Variants in SH2D4B observed in about 807,000 individuals in gnomAD.
SH2D4B encodes the protein SH2 domain-containing protein 4B.
SH2D4B carries 45 observed loss-of-function variants against 61.5 expected under a neutral mutation model. That is an observed-to-expected ratio of 0.73 (90% CI 0.58 to 0.94). The LOEUF (loss-of-function observed/expected upper bound fraction) is 0.94, where lower values mean the gene tolerates loss of function less well. Ranked by LOEUF, SH2D4B falls within the 40% of genes least tolerant of loss-of-function variation. SH2D4B has a pLI of 0.00. For synonymous variants in SH2D4B, 224 were observed against 220.4 expected (o/e 1.02, Z -0.14); for missense variants, 572 against 574.2 (o/e 1.00, Z 0.04).
intron 7 of SH2D4B, among the ~76,000 whole-genome samples, chr10:80,641,183 A>G (rs1417062630): frequency 1.3e-5 from 2 of 152,318 alleles, no homozygotes; most frequent in East Asian, 1.9e-4. Flanking sequence ...CCAGAGGGCC[A>G]CCTGCCTGTA....
chr10:80,627,323 G>A (rs561664427), intron 6 of SH2D4B, among the ~76,000 whole-genome samples: 10 of 152,246 alleles, frequency 6.6e-5, no homozygotes, highest in African/African-American at 2.2e-4. Context: ...GCTGTCCGCT[G>A]CCCTCAGAAT....
intron 1 of SH2D4B, among the ~76,000 whole-genome samples, chr10:80,553,530 A>G (rs1022567079): frequency 6.6e-6 from 1 of 152,200 alleles, no homozygotes; most frequent in African/African-American, 2.4e-5. Flanking sequence ...AATGACAGTT[A>G]CACCAAGTCC....
In SH2D4B at chr10:80,631,052, A is replaced by G. The variant is rs1010221364; in HGVS notation, c.989-3233A>G. On this transcript the variant is annotated intron_variant, in intron 6 of 7. Transcript: ENST00000646907. ...AACGTGTTGGCAAGTGTTGGAGGAAAGAGACCCCTTGCACATTCTCTTAAA... is the reference window on the plus strand; with the variant it reads ...AACGTGTTGGCAAGTGTTGGAGGAAGGAGACCCCTTGCACATTCTCTTAAA... Among the ~76,000 whole-genome samples, 4 of 152,240 alleles carry G rather than the reference A, an allele frequency of 2.6e-5. No individual in the cohort carries two copies. The East Asian group carries it at 5.8e-4, about 22-fold the overall frequency.
chr10:80,644,516 T>A lies in SH2D4B; in HGVS notation c.*431T>A, dbSNP rs1840364116. On this transcript the variant is annotated 3_prime_UTR_variant, in exon 8 of 8. Coordinates refer to ENST00000646907, the MANE Select transcript of SH2D4B (RefSeq NM_001388272.1). ...TCCAACACAAATTAGCAGTGGTTTC[T>A]TGTAAATTATTTCCTACTCGCCACT... 6.5e-6 allele frequency: 1 copy of A among 154,814 alleles called. No individual in the cohort carries two copies. Among genetic ancestry groups the A allele is most frequent in the South Asian group, 2.0e-4 (1 of 4,882 alleles). The allele number at this position is 154,814 out of a possible 1,614,324, so 9.6% of individuals were successfully genotyped here.
At chr10:80,642,118 G>T (rs755694281) in intron 7 of SH2D4B, among the ~76,000 whole-genome samples, 1 of 152,016 alleles carries the variant, frequency 6.6e-6, no homozygotes, top group Non-Finnish European at 1.5e-5. Context: ...TTGAGACAAG[G>T]TCTTACTCTG....
At chr10:80,587,702 A>G (rs937492590) in intron 3 of SH2D4B, among the ~76,000 whole-genome samples, 1 of 152,160 alleles carries the variant, frequency 6.6e-6, no homozygotes, top group Non-Finnish European at 1.5e-5. Context: ...GGTAGTGAGC[A>G]TATTACCCAA....
intron 6 of SH2D4B, among the ~76,000 whole-genome samples, chr10:80,632,456 A>G (rs1312968706): frequency 6.6e-6 from 1 of 152,182 alleles, no homozygotes; most frequent in African/African-American, 2.4e-5. Flanking sequence ...AAAGAAAAAA[A>G]GTTGAATCGT....
At chr10:80,612,126 A>G (rs1842608242) in intron 6 of SH2D4B, among the ~76,000 whole-genome samples, 1 of 143,556 alleles carries the variant, frequency 7.0e-6, no homozygotes, top group Non-Finnish European at 1.5e-5. Flanking sequence ...ATTTTTATAT[A>G]TTGCCTTTGC....
chr10:80,551,023 AAAAG>A (rs1288521092), intron 1 of SH2D4B, among the ~76,000 whole-genome samples: 2 of 152,236 alleles, frequency 1.3e-5, no homozygotes, highest in Admixed American at 6.5e-5. Flanking sequence ...AAGGAAAAGA[AAAAG>A]AAAAAGAAAC....
At chr10:80,543,970 A>T (rs929390969) in intron 1 of SH2D4B, among the ~76,000 whole-genome samples, 19 of 126,714 alleles carry the variant, frequency 1.5e-4, no homozygotes, top group African/African-American at 4.9e-4. Flanking sequence ...AAAACAGACC[A>T]CTCGGCTCTA....
intron 1 of SH2D4B, among the ~76,000 whole-genome samples, chr10:80,541,815 A>T (rs1841583512): frequency 6.6e-6 from 1 of 152,168 alleles, no homozygotes; most frequent in African/African-American, 2.4e-5. Context: ...TGATTCTGAG[A>T]TCCACATTTG....
intron 5 of SH2D4B, among the ~76,000 whole-genome samples, chr10:80,608,775 C>T (rs2132143796): frequency 1.3e-5 from 2 of 152,288 alleles, no homozygotes; most frequent in Middle Eastern, 6.8e-3. Context: ...TATCCTCTGT[C>T]ATAGTTTTTA....
chr10:80,568,091 CT>C lies in SH2D4B; in HGVS notation c.185-2049del, dbSNP rs1192521361. Among the ~76,000 whole-genome samples, 833 of 144,878 alleles carry C rather than the reference CT, an allele frequency of 5.7e-3. 5 individuals are homozygous for C. Among genetic ancestry groups the C allele is most frequent in the African/African-American group, 0.015 (600 of 39,742 alleles). On this transcript the variant is annotated intron_variant, in intron 1 of 7. Transcript: ENST00000646907. ...CTAAAAATAAGTGTGAGAGATCACA[CT>C]TTTTTTTTTTTTTGAGACAGAGTCT...
At chr10:80,608,724 C>G (rs1482612599) in intron 5 of SH2D4B, among the ~76,000 whole-genome samples, 3 of 152,160 alleles carry the variant, frequency 2.0e-5, no homozygotes, top group African/African-American at 7.2e-5. Context: ...CCCATTCCAT[C>G]CGTAGTTACC....
intron 3 of SH2D4B, among the ~76,000 whole-genome samples, chr10:80,586,614 T>A (rs1842253113): frequency 6.6e-6 from 1 of 152,150 alleles, no homozygotes; most frequent in Non-Finnish European, 1.5e-5. Context: ...ATCAGTGCCC[T>A]GTCAAAACAG....
At chr10:80,618,953 CAG>C (rs1842687277) in intron 6 of SH2D4B, among the ~76,000 whole-genome samples, 2 of 152,178 alleles carry the variant, frequency 1.3e-5, no homozygotes, top group South Asian at 2.1e-4. Flanking sequence ...TCTGTTATTG[CAG>C]AGTGTCTTCT....
chr10:80,562,680 A>T lies in SH2D4B; in HGVS notation c.185-7474A>T, dbSNP rs113648917. On this transcript the variant is annotated intron_variant, in intron 1 of 7. Transcript: ENST00000646907. ...GGATCATAGGATACTTCAATTTGTA[A>T]TTTTTTTCAGGAACCTTCATACTAT... is the stretch of plus-strand genomic sequence containing the variant. 7.8e-3 allele frequency among the ~76,000 whole-genome samples: 1,188 copies of T among 152,088 alleles called. 18 individuals carry two copies. Among genetic ancestry groups the T allele is most frequent in the African/African-American group, 0.027 (1,137 of 41,496 alleles).
intron 4 of SH2D4B, among the ~76,000 whole-genome samples, chr10:80,592,286 TC>T (rs1714531050): frequency 6.6e-6 from 1 of 152,248 alleles, no homozygotes; most frequent in Non-Finnish European, 1.5e-5. Context: ...TAATTTCTTA[TC>T]AGAGATATGG....
At chr10:80,571,384 CCT>C (rs1564771308) in intron 2 of SH2D4B, 45 bp from the exon 3 acceptor site, 73 of 1,573,800 alleles carry the variant, frequency 4.6e-5, no homozygotes, top group Non-Finnish European at 6.2e-5. Flanking sequence ...GTTAGGTGGT[CCT>C]TCAGTTTTTC....
Sources: allele counts gnomAD v4.1 joint callset (sites outside exome capture counted in the v4.1 genomes callset), GRCh38; gene constraint gnomAD v4.1.1; transcripts MANE v1.5; gene names NCBI Gene and HGNC (gene_info 2026-07-23, HGNC 2026-07-21).